The following ZNF2 variants were observed in gnomAD, a reference collection of about 807,000 sequenced individuals.
ZNF2 encodes the protein zinc finger protein 2, also known as zinc finger protein 2.2.
In ZNF2, 12 loss-of-function variants were observed where a neutral mutation model predicts 21.9. The observed-to-expected ratio is 0.55, with a 90% CI of 0.35 to 0.89. The LOEUF is 0.89. ZNF2 is among the 40% of genes least tolerant of loss of function. The probability of loss-of-function intolerance (pLI) is 0.01; values close to 1 mark genes in which losing one functional copy is unlikely to be tolerated. For missense variants in ZNF2, 462 were observed against 544.2 expected (o/e 0.85, Z 1.50); for synonymous variants, 186 against 196.3 (o/e 0.95, Z 0.44).
In ZNF2 at chr2:95,181,762, C is replaced by A. The variant is rs779824720; in HGVS notation, c.934C>A (p.Pro312Thr). 9.9e-5 allele frequency: 160 copies of A among 1,614,070 alleles called. 1 individual carries two copies. Among genetic ancestry groups the A allele is most frequent in the Middle Eastern group, 1.6e-4 (1 of 6,084 alleles). ...RHQLIHTGRK[P>T]YECNECGKAF... ...TCAGCTAATCCACACTGGCAGGAAGCCTTATGAGTGTAACGAGTGCGGGAA... is the reference window on the plus strand; with the variant it reads ...TCAGCTAATCCACACTGGCAGGAAGACTTATGAGTGTAACGAGTGCGGGAA... The change falls in exon 5 of 5, where the codon CCT (proline) becomes ACT (threonine). Residue 312 changes from proline to threonine, a missense_variant. Pro to Thr is a conservative substitution (Grantham distance 38, BLOSUM62 -1). Transcript: ENST00000614034.
chr2:95,172,774 C>T (rs1199734947), intron 1 of ZNF2, among the ~76,000 whole-genome samples: 4 of 151,786 alleles, frequency 2.6e-5, no homozygotes, highest in Non-Finnish European at 5.9e-5. Flanking sequence ...GTAGCTGGCA[C>T]TACAGCCACG....
intron 1 of ZNF2, among the ~76,000 whole-genome samples, chr2:95,167,541 T>C (rs1674120180): frequency 1.4e-5 from 2 of 142,188 alleles, no homozygotes; most frequent in Admixed American, 7.1e-5. Flanking sequence ...GAAATAGAGA[T>C]AATAGGATCA....
intron 1 of ZNF2, among the ~76,000 whole-genome samples, chr2:95,172,603 G>A (rs1428153012): frequency 2.7e-5 from 4 of 150,388 alleles, no homozygotes; most frequent in Non-Finnish European, 5.9e-5. Flanking sequence ...AATTTTAAAA[G>A]TGTGCATTCT....
chr2:95,174,991 C>A (rs763457568), intron 1 of ZNF2, among the ~76,000 whole-genome samples: 2 of 152,126 alleles, frequency 1.3e-5, no homozygotes, highest in Non-Finnish European at 2.9e-5. Flanking sequence ...CTCCCAGCCA[C>A]CATAAATCCC....
intron 1 of ZNF2, among the ~76,000 whole-genome samples, chr2:95,175,152 G>A (rs1387227542): frequency 6.6e-6 from 1 of 152,170 alleles, no homozygotes; most frequent in Non-Finnish European, 1.5e-5. Context: ...TGGGATTACA[G>A]ACATGTGCCA....
rs776348261 is a variant in ZNF2, at chr2:95,181,846, C to T, written c.1018C>T (p.Arg340Cys). Residue 340 changes from arginine (R) to cysteine (C), a missense_variant, in exon 5 of 5, where the codon CGC becomes TGC. Transcript: ENST00000614034. ...RHQKAHAGDP[R>C]YQCNECGKAF... ...TCAGAAAGCTCATGCTGGGGACCCT[C>T]GCTATCAGTGTAACGAGTGTGGCAA... 17 of 1,614,110 alleles carry T rather than the reference C, an allele frequency of 1.1e-5. 1 individual carries two copies. The African/African-American group carries it at 1.3e-4, about 13-fold the overall frequency.
rs765430238 is a variant in ZNF2 at position 95,181,650 on chromosome 2, A to T, written c.822A>T (p.Arg274=). Reference sequence around the variant, plus strand: ...TTTTTGACCGTTCATCCCTTACTCGACACCAGAGAATTCACACTGGAGAAA... The same window carrying T: ...TTTTTGACCGTTCATCCCTTACTCGTCACCAGAGAATTCACACTGGAGAAA... The part of the protein sequence containing the change: ...KAFFDRSSLT[R]HQRIHTGESP... The change falls in exon 5 of 5, where the codon CGA becomes CGT. Residue 274 remains arginine, a synonymous_variant. Transcript: ENST00000614034. 2.5e-6 allele frequency: 4 copies of T among 1,614,052 alleles called. No homozygotes were observed. The African/African-American group carries it at 4.0e-5, about 16-fold the overall frequency.
chr2:95,178,267 TGA>T (rs1442085557), intron 3 of ZNF2, among the ~76,000 whole-genome samples: 5 of 152,124 alleles, frequency 3.3e-5, no homozygotes, highest in Admixed American at 2.0e-4. Context: ...CACGAGAGGC[TGA>T]GAGAGTGCCC....
chr2:95,168,067 C>T (rs912607587), intron 1 of ZNF2, among the ~76,000 whole-genome samples: 2 of 150,444 alleles, frequency 1.3e-5, no homozygotes, highest in African/African-American at 4.9e-5. Flanking sequence ...GTAGAGGAGG[C>T]TTGTATGTCT....
intron 1 of ZNF2, among the ~76,000 whole-genome samples, chr2:95,175,048 T>C (rs1263281444): frequency 6.6e-6 from 1 of 152,192 alleles, no homozygotes; most frequent in East Asian, 1.9e-4. Context: ...TATTTTTTTA[T>C]TTTTATAGAG....
chr2:95,181,112 CTA>C lies in ZNF2; in HGVS notation c.285_286del (p.Lys96AlafsTer2). The C allele has an allele frequency of 6.2e-7, 1 of 1,612,894 alleles. No individual in the cohort carries two copies. The stretch of plus-strand genomic sequence containing the variant: ...TTTCTGTTTGTTCCAGACTGGGAAA[CTA>C]AGCCTGAGATTCACGATGCTTCAGA... On this transcript the variant is annotated frameshift_variant, in exon 5 of 5. Coordinates refer to ENST00000614034, the MANE Select transcript of ZNF2 (RefSeq NM_021088.4). LOFTEE classifies it low-confidence loss of function (END_TRUNC).
intron 1 of ZNF2, among the ~76,000 whole-genome samples, chr2:95,175,733 C>A (rs2104502969): frequency 6.6e-6 from 1 of 152,330 alleles, no homozygotes; most frequent in African/African-American, 2.4e-5. Context: ...GGTACAAAAC[C>A]TGGCTGCCCA....
chr2:95,182,038 A>C lies in ZNF2; in HGVS notation c.1210A>C (p.Lys404Gln), dbSNP rs936664575. ...GCCCTTTGAATGCACTGTGTGTGGG[A>C]AAGTTTTCAGTTCAAAATCTTCTGT... The part of the protein sequence containing the change: ...EKPFECTVCG[K>Q]VFSSKSSVIQ... Residue 404 changes from lysine (K) to glutamine (Q), a missense_variant, in exon 5 of 5, where the codon AAA becomes CAA. Transcript: ENST00000614034. 1 of 1,613,752 alleles carries C rather than the reference A, an allele frequency of 6.2e-7. No individual in the cohort carries two copies. Among genetic ancestry groups the C allele is most frequent in the African/African-American group, 1.3e-5 (1 of 75,066 alleles).
chr2:95,178,993 G>GT (rs368069255), intron 3 of ZNF2, among the ~76,000 whole-genome samples: 7,680 of 130,354 alleles, frequency 0.059, 277 homozygotes, highest in Non-Finnish European at 0.087. Flanking sequence ...GGTTTTTTTT[G>GT]TTTTTTTTTT....
Position 95,176,197 on chromosome 2 carries a change from C to G in ZNF2, c.-30C>G. On this transcript the variant is annotated 5_prime_UTR_variant, in exon 2 of 5. Coordinates refer to ENST00000614034, the MANE Select transcript of ZNF2 (RefSeq NM_021088.4). ...ACTTCTGCCTCATTAGGACTCTGCC[C>G]TTGTCCACAAGGAGAGCACACAGGA... 1.9e-6 allele frequency: 3 copies of G among 1,614,126 alleles called. No individual in the cohort carries two copies. The highest frequency in any genetic ancestry group is 1.7e-6 in the Non-Finnish European group (2 of 1,180,000).
intron 1 of ZNF2, among the ~76,000 whole-genome samples, chr2:95,175,244 A>ACAGAGCC (rs1674401200): frequency 6.6e-6 from 1 of 152,178 alleles, no homozygotes; most frequent in African/African-American, 2.4e-5. Context: ...GGAATTAGTG[A>ACAGAGCC]TAAGATCTTG....
At chr2:95,175,563 T>C (rs956709899) in intron 1 of ZNF2, among the ~76,000 whole-genome samples, 4 of 152,206 alleles carry the variant, frequency 2.6e-5, no homozygotes, top group Non-Finnish European at 5.9e-5. Context: ...TGATATCCTT[T>C]CAGCTCGTCA....
chr2:95,175,438 G>T (rs1674409207), intron 1 of ZNF2, among the ~76,000 whole-genome samples: 1 of 152,154 alleles, frequency 6.6e-6, no homozygotes, highest in Admixed American at 6.5e-5. Flanking sequence ...CCTGCCTCTG[G>T]TCCCGTGGTC....
At chr2:95,172,341 A>T (rs1674302624) in intron 1 of ZNF2, among the ~76,000 whole-genome samples, 1 of 152,170 alleles carries the variant, frequency 6.6e-6, no homozygotes, top group Non-Finnish European at 1.5e-5. Flanking sequence ...GCTGCCAGCG[A>T]AGGGCCAGCA....
Sources: gnomAD v4.1 joint callset for allele counts (sites outside exome capture counted in the v4.1 genomes callset) on GRCh38, gnomAD v4.1.1 for gene constraint, MANE v1.5 for transcripts, NCBI Gene and HGNC (gene_info 2026-07-23, HGNC 2026-07-21) for gene names.